Variants in COL22A1 observed in about 807,000 individuals in gnomAD.
The protein encoded by COL22A1 is collagen alpha-1(XXII) chain.
COL22A1 carries 221 observed loss-of-function variants against 248.9 expected under a neutral mutation model. That is an observed-to-expected ratio of 0.89 (90% CI 0.80 to 0.99). The LOEUF is 0.99. COL22A1 is among the 50% of genes least tolerant of loss of function. COL22A1 has a pLI of 0.00. For synonymous variants in COL22A1, 891 were observed against 793.4 expected, an observed-to-expected ratio of 1.12 and a Z score of -2.07; for missense variants, 2,240 against 2,179.0, an observed-to-expected ratio of 1.03 and a Z score of -0.56.
intron 16 of COL22A1, 86 bp downstream of exon 16, chr8:138,775,880 G>T: frequency 8.0e-7 from 1 of 1,244,094 alleles, no homozygotes; most frequent in Non-Finnish European, 1.2e-6. Context: ...ACACACACAC[G>T]AGCATACACA....
intron 3 of COL22A1, among the ~76,000 whole-genome samples, chr8:138,856,731 G>A (rs1201244607): frequency 6.6e-6 from 1 of 152,214 alleles, no homozygotes; most frequent in Non-Finnish European, 1.5e-5. Context: ...GAGAGAGACA[G>A]AGAGAGGAGC....
intron 2 of COL22A1, among the ~76,000 whole-genome samples, chr8:138,880,219 G>C (rs1684639590): frequency 6.6e-6 from 1 of 152,226 alleles, no homozygotes; most frequent in African/African-American, 2.4e-5. Flanking sequence ...CCATGACAGT[G>C]ATGGCTGAAG....
intron 58 of COL22A1, among the ~76,000 whole-genome samples, chr8:138,605,671 C>T (rs563149022): frequency 6.4e-4 from 97 of 152,210 alleles, no homozygotes; most frequent in African/African-American, 2.3e-3. Flanking sequence ...ACATGCAAGC[C>T]TCATTCATCA....
At chr8:138,714,562 C>T (rs935095185) in intron 30 of COL22A1, among the ~76,000 whole-genome samples, 8 of 152,168 alleles carry the variant, frequency 5.3e-5, no homozygotes, top group Non-Finnish European at 1.2e-4. Flanking sequence ...CTTGTCCTTT[C>T]CCACTCTTGC....
chr8:138,590,117 A>G (rs568656800), intron 64 of COL22A1, among the ~76,000 whole-genome samples: 1 of 152,214 alleles, frequency 6.6e-6, no homozygotes, highest in East Asian at 1.9e-4. Context: ...CATCATATAT[A>G]ATCAACCTAT....
chr8:138,639,849 T>C (rs1216463296), intron 47 of COL22A1, among the ~76,000 whole-genome samples: 2 of 152,228 alleles, frequency 1.3e-5, no homozygotes, highest in Admixed American at 1.3e-4. Context: ...CTTCAGCAGA[T>C]GCCTGGCTCC....
chr8:138,765,952 T>C (rs1768674431), intron 16 of COL22A1, among the ~76,000 whole-genome samples: 1 of 152,234 alleles, frequency 6.6e-6, no homozygotes, highest in Non-Finnish European at 1.5e-5. Flanking sequence ...GTGAGTGAGC[T>C]GCTGATGAGA....
At chr8:138,782,188 A>T (rs972242702) in intron 12 of COL22A1, among the ~76,000 whole-genome samples, 10 of 152,244 alleles carry the variant, frequency 6.6e-5, no homozygotes, top group Non-Finnish European at 1.3e-4. Flanking sequence ...TGATACAGAC[A>T]TGAGTCCATC....
chr8:138,792,595 C>T (rs1317784901), intron 12 of COL22A1, among the ~76,000 whole-genome samples: 1 of 152,190 alleles, frequency 6.6e-6, no homozygotes, highest in Non-Finnish European at 1.5e-5. Flanking sequence ...TGGGACTAAC[C>T]AGGAGAATGT....
At chr8:138,662,580 A>G (rs911468631) in intron 42 of COL22A1, among the ~76,000 whole-genome samples, 2 of 152,158 alleles carry the variant, frequency 1.3e-5, no homozygotes, top group Non-Finnish European at 2.9e-5. Context: ...AACGGCACAG[A>G]TATCTTTCAT....
Position 138,753,691 on chromosome 8 carries a change from A to G in COL22A1, c.2031+1466T>C, listed in dbSNP as rs1832781108. Among the ~76,000 whole-genome samples, 4 of 152,132 alleles carry G rather than the reference A, an allele frequency of 2.6e-5. 1 individual carries two copies. The South Asian group carries it at 8.3e-4, about 32-fold the overall frequency. The stretch of plus-strand genomic sequence containing the variant: ...GCCTCATGTGTTATTTCATCCCTAT[A>G]TCTTCAGCCTTAGTATTTTGCTTGA... On this transcript the variant is annotated intron_variant, in intron 21 of 64. Coordinates refer to ENST00000303045, the MANE Select transcript of COL22A1 (RefSeq NM_152888.3).
intron 1 of COL22A1, 103 bp from the exon 2 acceptor site, chr8:138,883,347 A>C (rs1824388784): frequency 1.6e-6 from 1 of 641,934 alleles, no homozygotes; most frequent in Non-Finnish European, 2.6e-6. Flanking sequence ...CCAGCCTTCC[A>C]ACCCATCTTC....
chr8:138,787,774 C>T (rs1424982377), intron 12 of COL22A1, among the ~76,000 whole-genome samples: 1 of 152,122 alleles, frequency 6.6e-6, no homozygotes, highest in Non-Finnish European at 1.5e-5. Flanking sequence ...CCTGCCTCTC[C>T]CTCCACCACA....
chr8:138,630,564 T>C lies in COL22A1; in HGVS notation c.3663+131A>G, dbSNP rs62527862. 2.9e-3 allele frequency: 2,258 copies of C among 768,146 alleles called. 5 individuals carry two copies. Among genetic ancestry groups the C allele is most frequent in the Non-Finnish European group, 4.1e-3 (1,768 of 432,092 alleles). The allele number at this position is 768,146 out of a possible 1,614,324, so 47.6% of individuals were successfully genotyped here. A position where few individuals can be genotyped will look rare whatever the true frequency, so the allele number is the denominator to read the frequency against. On this transcript the variant is annotated intron_variant, in intron 50 of 64. Coordinates refer to ENST00000303045, the MANE Select transcript of COL22A1 (RefSeq NM_152888.3). Reference sequence around the variant, plus strand: ...TCCAGCAGTTTCATTGCAAGACTTGTAGTGAACAGAACCTCAAAAATATGT... The same window carrying C: ...TCCAGCAGTTTCATTGCAAGACTTGCAGTGAACAGAACCTCAAAAATATGT...
At chr8:138,869,933 A>C (rs1823192015) in intron 3 of COL22A1, among the ~76,000 whole-genome samples, 1 of 152,016 alleles carries the variant, frequency 6.6e-6, no homozygotes, top group Non-Finnish European at 1.5e-5. Flanking sequence ...ATGTGTGTGT[A>C]GTGTGTGTAG....
chr8:138,728,929 A>C (rs1256925644), intron 23 of COL22A1, among the ~76,000 whole-genome samples: 3 of 152,040 alleles, frequency 2.0e-5, no homozygotes, highest in African/African-American at 7.2e-5. Context: ...CCAGCTCCGT[A>C]TTCCATCACC....
intron 3 of COL22A1, among the ~76,000 whole-genome samples, chr8:138,848,924 A>G (rs1821435273): frequency 6.6e-6 from 1 of 152,198 alleles, no homozygotes. Context: ...GACAGGAAGC[A>G]ATCACGGCTC....
intron 16 of COL22A1, among the ~76,000 whole-genome samples, chr8:138,767,455 G>T (rs1055855386): frequency 1.3e-5 from 2 of 151,934 alleles, no homozygotes; most frequent in Non-Finnish European, 2.9e-5. Flanking sequence ...CCTCTCTGGG[G>T]CTCCAGTTCC....
At chr8:138,899,241 A>C (rs1814359578) in intron 1 of COL22A1, among the ~76,000 whole-genome samples, 1 of 152,146 alleles carries the variant, frequency 6.6e-6, no homozygotes, top group African/African-American at 2.4e-5. Context: ...ACAAGTGCCC[A>C]AACCATGCCC....
Sources: allele counts gnomAD v4.1 joint callset (sites outside exome capture counted in the v4.1 genomes callset), GRCh38; gene constraint gnomAD v4.1.1; transcripts MANE v1.5; gene names NCBI Gene and HGNC (gene_info 2026-07-23, HGNC 2026-07-21).